Variants in NETO1 observed in about 807,000 individuals in gnomAD.
NETO1 encodes the protein neuropilin and tolloid-like protein 1.
NETO1 carries 26 observed loss-of-function variants against 61.3 expected under a neutral mutation model. The ratio of observed to expected loss-of-function variants is 0.42; its 90% CI spans 0.31 to 0.59. The LOEUF is 0.59. Ranked by LOEUF, NETO1 falls within the 20% of genes least tolerant of loss-of-function variation. The pLI, the probability that NETO1 is intolerant of heterozygous loss-of-function variation, is 0.12. For synonymous variants in NETO1, 225 were observed against 225.8 expected (o/e 1.00, Z 0.03); for missense variants, 531 against 662.8 (o/e 0.80, Z 2.18).
intron 7 of NETO1, among the ~76,000 whole-genome samples, chr18:72,779,031 C>T (rs1485009496): frequency 6.6e-6 from 1 of 152,102 alleles, no homozygotes; most frequent in Non-Finnish European, 1.5e-5. Context: ...ATTCAGGCAC[C>T]AGCGCGCTCG....
chr18:72,855,988 T>G (rs1456834525), intron 4 of NETO1, among the ~76,000 whole-genome samples: 1 of 152,222 alleles, frequency 6.6e-6, no homozygotes, highest in Admixed American at 6.5e-5. Flanking sequence ...AAATGGACTT[T>G]GTAATACTCA....
chr18:72,840,518 T>C (rs1357917294), intron 4 of NETO1, among the ~76,000 whole-genome samples: 2 of 152,312 alleles, frequency 1.3e-5, no homozygotes, highest in Middle Eastern at 3.4e-3. Context: ...AGGAGGGCAA[T>C]TACTGAGGGT....
At chr18:72,834,730 T>A in intron 4 of NETO1, 1 of 985,112 alleles carries the variant, frequency 1.0e-6, no homozygotes, top group Non-Finnish European at 1.2e-6. Flanking sequence ...TTTTACTGTT[T>A]GATTGTTTGA....
At position 72,853,682 on chromosome 18, in the gene NETO1, C is replaced by T. The variant is rs115454122; in HGVS notation, c.469+5144G>A. ...CTGAGGCACGAGAATCACTGAAACC[C>T]GGAGGCAGAGGTTGCAGTGAGCCAA... On this transcript the variant is annotated intron_variant, in intron 4 of 10. Coordinates refer to ENST00000327305, the MANE Select transcript of NETO1 (RefSeq NM_138966.5). Among the ~76,000 whole-genome samples the T allele has an allele frequency of 5.4e-3, 806 of 150,102 alleles. 8 individuals are homozygous for T. Among genetic ancestry groups the T allele is most frequent in the African/African-American group, 0.019 (778 of 40,752 alleles).
At chr18:72,788,727 A>G (rs2072007741) in intron 6 of NETO1, among the ~76,000 whole-genome samples, 1 of 152,148 alleles carries the variant, frequency 6.6e-6, no homozygotes, top group Non-Finnish European at 1.5e-5. Flanking sequence ...AAACATATAA[A>G]TAATTTCTAG....
intron 7 of NETO1, among the ~76,000 whole-genome samples, chr18:72,766,697 T>G (rs144549496): frequency 7.6e-4 from 116 of 152,288 alleles, no homozygotes; most frequent in Middle Eastern, 3.4e-3. Flanking sequence ...CTCCCCAATC[T>G]TTGTGCAAAA....
chr18:72,749,146 T>C (rs2145068853), intron 9 of NETO1, 58 bp from the exon 10 acceptor site: 3 of 969,388 alleles, frequency 3.1e-6, no homozygotes, highest in African/African-American at 1.6e-5. Flanking sequence ...AAAATATGTA[T>C]ACAAATATTT....
intron 4 of NETO1, among the ~76,000 whole-genome samples, chr18:72,858,195 A>G (rs2074462829): frequency 6.6e-6 from 1 of 152,182 alleles, no homozygotes; most frequent in Non-Finnish European, 1.5e-5. Context: ...CCAGGCAACA[A>G]CACAGGATCT....
At position 72,859,757 on chromosome 18, in the gene NETO1, T is replaced by A. The variant is rs1339996726; in HGVS notation, c.221-683A>T. Among the ~76,000 whole-genome samples, 7 of 152,270 alleles carry A rather than the reference T, an allele frequency of 4.6e-5. No individual in the cohort carries two copies. The East Asian group carries it at 1.2e-3, about 25-fold the overall frequency. On this transcript the variant is annotated intron_variant, in intron 3 of 10. Coordinates refer to ENST00000327305, the MANE Select transcript of NETO1 (RefSeq NM_138966.5). ...GAAAGTAAGCTCCTTCACACTTTCA[T>A]GGATTTTCTTACATTTTTGAATATC...
chr18:72,853,297 T>C (rs903960179), intron 4 of NETO1: 5 of 152,190 alleles, frequency 3.3e-5, no homozygotes, highest in East Asian at 1.9e-4. Context: ...GAGTCAGTAG[T>C]ATAAACAGAA....
intron 7 of NETO1, among the ~76,000 whole-genome samples, chr18:72,781,769 A>C (rs1026598993): frequency 1.7e-4 from 26 of 152,236 alleles, no homozygotes; most frequent in Admixed American, 1.6e-3. Flanking sequence ...AATTTCAAAA[A>C]TATTGTATTG....
At chr18:72,800,349 T>C (rs1568210324) in intron 4 of NETO1, among the ~76,000 whole-genome samples, 1 of 152,212 alleles carries the variant, frequency 6.6e-6, no homozygotes, top group Non-Finnish European at 1.5e-5. Context: ...TGCCACAGAA[T>C]GCACTGAAAA....
intron 4 of NETO1, among the ~76,000 whole-genome samples, chr18:72,806,892 G>A (rs893583743): frequency 1.3e-5 from 2 of 152,074 alleles, no homozygotes; most frequent in Non-Finnish European, 2.9e-5. Context: ...CCTTCAATGG[G>A]GACATTCTTA....
rs1402706419 is a variant in NETO1, at chr18:72,834,163, A to G, written c.469+24663T>C. On this transcript the variant is annotated intron_variant, in intron 4 of 10. Transcript: ENST00000327305. ...CGGACAATATTTTTGTTTAAAAAAC[A>G]TTTTAATATTTTAATAAAATACAAC... 8.8e-6 allele frequency: 6 copies of G among 678,492 alleles called. No individual in the cohort carries two copies. The African/African-American group carries it at 1.2e-4, about 13-fold the overall frequency. 42.0% of individuals were successfully genotyped at this position (678,492 alleles called of 1,614,324 possible). A position where few individuals can be genotyped will look rare whatever the true frequency, so the allele number is the denominator to read the frequency against.
In NETO1 at chr18:72,760,453, G is replaced by A. The variant is rs189414514; in HGVS notation, c.869-4306C>T. Reference sequence around the variant, plus strand: ...TGAAGAGTCCTGCCAACAGGACAGAGAGCCCAGCTGTGATTTGGGCTGTCA... The same window carrying A: ...TGAAGAGTCCTGCCAACAGGACAGAAAGCCCAGCTGTGATTTGGGCTGTCA... On this transcript the variant is annotated intron_variant, in intron 7 of 10. Transcript: ENST00000327305. Among the ~76,000 whole-genome samples, 637 of 152,320 alleles carry A rather than the reference G, an allele frequency of 4.2e-3. 6 individuals carry two copies. The highest frequency in any genetic ancestry group is 0.014 in the African/African-American group (599 of 41,562).
At chr18:72,783,636 G>T in intron 7 of NETO1, 42 bp downstream of exon 7, 1 of 1,520,154 alleles carries the variant, frequency 6.6e-7, no homozygotes, top group South Asian at 1.1e-5. Flanking sequence ...GGCATCATAT[G>T]GCATATACGA....
chr18:72,748,631 T>A, intron 10 of NETO1, among the ~76,000 whole-genome samples: 1 of 152,126 alleles, frequency 6.6e-6, no homozygotes, highest in East Asian at 1.9e-4. Flanking sequence ...TTTTAAATAT[T>A]AACTTCAGCT....
chr18:72,759,655 T>C (rs1367224093), intron 7 of NETO1, among the ~76,000 whole-genome samples: 1 of 152,196 alleles, frequency 6.6e-6, no homozygotes, highest in Non-Finnish European at 1.5e-5. Flanking sequence ...ACGCAGCATG[T>C]AGTGGCTATG....
At chr18:72,862,546 C>A (rs1466347165) in intron 3 of NETO1, among the ~76,000 whole-genome samples, 1 of 151,774 alleles carries the variant, frequency 6.6e-6, no homozygotes, top group Non-Finnish European at 1.5e-5. Flanking sequence ...AGTTATCGAG[C>A]AACAAATATT....
Sources: allele counts gnomAD v4.1 joint callset (sites outside exome capture counted in the v4.1 genomes callset), GRCh38; gene constraint gnomAD v4.1.1; transcripts MANE v1.5; gene names NCBI Gene and HGNC (gene_info 2026-07-23, HGNC 2026-07-21).